The following SLC39A11 variants were observed in gnomAD, a reference collection of about 807,000 sequenced individuals.
The protein encoded by SLC39A11 is solute carrier family 39 member 11.
Under a neutral mutation model 36.1 loss-of-function variants are expected in SLC39A11, and 33 were observed. The ratio of observed to expected loss-of-function variants is 0.91; its 90% CI spans 0.69 to 1.22. The LOEUF (loss-of-function observed/expected upper bound fraction) is 1.22, where lower values mean the gene tolerates loss of function less well. Ranked by LOEUF, SLC39A11 falls within the 50% of genes most tolerant of loss-of-function variation. SLC39A11 has a pLI of 0.00. For missense variants in SLC39A11, 432 were observed against 430.3 expected (o/e 1.00, Z -0.03); for synonymous variants, 166 against 170.3 (o/e 0.97, Z 0.20).
At chr17:72,898,298 C>G (rs182776328) in intron 5 of SLC39A11, among the ~76,000 whole-genome samples, 1 of 152,158 alleles carries the variant, frequency 6.6e-6, no homozygotes, top group African/African-American at 2.4e-5. Flanking sequence ...CTGGAGCATC[C>G]GAGTTCATGA....
intron 5 of SLC39A11, among the ~76,000 whole-genome samples, chr17:72,911,306 A>G (rs2082980437): frequency 6.6e-6 from 1 of 152,010 alleles, no homozygotes; most frequent in Non-Finnish European, 1.5e-5. Context: ...TAGGAGATAT[A>G]CCTAATGTTA....
chr17:72,770,780 G>A (rs1364957141), intron 6 of SLC39A11, among the ~76,000 whole-genome samples: 2 of 152,204 alleles, frequency 1.3e-5, no homozygotes, highest in Non-Finnish European at 2.9e-5. Flanking sequence ...GCATTCGGAA[G>A]CACAGCAACA....
At chr17:73,080,105 C>A (rs558196910) in intron 3 of SLC39A11, among the ~76,000 whole-genome samples, 1 of 152,142 alleles carries the variant, frequency 6.6e-6, no homozygotes, top group South Asian at 2.1e-4. Flanking sequence ...CAAAACACCA[C>A]CATCATTCTT....
At chr17:72,798,744 T>C (rs933376772) in intron 6 of SLC39A11, among the ~76,000 whole-genome samples, 10 of 152,112 alleles carry the variant, frequency 6.6e-5, no homozygotes, top group South Asian at 2.1e-4. Flanking sequence ...CCTCACCTCA[T>C]CTAAACCTAA....
intron 5 of SLC39A11, among the ~76,000 whole-genome samples, chr17:72,902,221 A>G (rs2082426359): frequency 6.6e-6 from 1 of 151,986 alleles, no homozygotes; most frequent in Non-Finnish European, 1.5e-5. Context: ...TGGTGATCCG[A>G]GATCATGCCA....
At chr17:72,966,968 G>A (rs554666740) in intron 4 of SLC39A11, among the ~76,000 whole-genome samples, 1 of 152,282 alleles carries the variant, frequency 6.6e-6, no homozygotes, top group Non-Finnish European at 1.5e-5. Flanking sequence ...AAAGGAGCAT[G>A]AGCCCTATTG....
chr17:72,767,930 C>T (rs984288972), intron 6 of SLC39A11, among the ~76,000 whole-genome samples: 16 of 151,838 alleles, frequency 1.1e-4, no homozygotes, highest in African/African-American at 3.9e-4. Context: ...TCAAATCAAT[C>T]GCATCCAAAG....
intron 4 of SLC39A11, among the ~76,000 whole-genome samples, chr17:72,994,812 G>A (rs1044031571): frequency 5.9e-5 from 9 of 152,058 alleles, no homozygotes; most frequent in African/African-American, 1.4e-4. Context: ...TGCCCTATAC[G>A]GACTGGGTTC....
intron 7 of SLC39A11, among the ~76,000 whole-genome samples, chr17:72,722,294 A>G (rs2073716984): frequency 6.6e-6 from 1 of 152,150 alleles, no homozygotes; most frequent in African/African-American, 2.4e-5. Flanking sequence ...GGGAAGCAAA[A>G]GTCAAGGGAA....
intron 5 of SLC39A11, among the ~76,000 whole-genome samples, chr17:72,921,407 T>G (rs2083662511): frequency 6.6e-6 from 1 of 152,082 alleles, no homozygotes; most frequent in South Asian, 2.1e-4. Flanking sequence ...CTATTATATT[T>G]CCTAGAAAAT....
At chr17:72,945,765 A>G (rs2085395303) in intron 5 of SLC39A11, among the ~76,000 whole-genome samples, 1 of 152,192 alleles carries the variant, frequency 6.6e-6, no homozygotes, top group South Asian at 2.1e-4. Flanking sequence ...GGGTTGGCCA[A>G]GAAGACCCAG....
At chr17:73,004,256 G>A (rs1022839808) in intron 4 of SLC39A11, among the ~76,000 whole-genome samples, 3 of 149,130 alleles carry the variant, frequency 2.0e-5, no homozygotes, top group Non-Finnish European at 4.5e-5. Context: ...GAAAAAGCAA[G>A]CAAGCCACAG....
At chr17:73,010,353 TAGG>T (rs142499206) in intron 4 of SLC39A11, among the ~76,000 whole-genome samples, 4,095 of 152,282 alleles carry the variant, frequency 0.027, 83 homozygotes, top group African/African-American at 0.046. Flanking sequence ...TCTTTTGCAA[TAGG>T]AGAAGACTTG....
intron 7 of SLC39A11, among the ~76,000 whole-genome samples, chr17:72,652,913 T>C (rs2069918656): frequency 6.6e-6 from 1 of 152,060 alleles, no homozygotes; most frequent in East Asian, 1.9e-4. Context: ...TCCCGGGAGA[T>C]GTGGATTCTT....
intron 6 of SLC39A11, among the ~76,000 whole-genome samples, chr17:72,842,014 G>A (rs1349770053): frequency 1.3e-5 from 2 of 152,012 alleles, no homozygotes; most frequent in Non-Finnish European, 2.9e-5. Context: ...AGGCCGCAGT[G>A]AGCCATGATC....
intron 3 of SLC39A11, chr17:73,068,090 A>T: frequency 6.9e-7 from 1 of 1,442,426 alleles, no homozygotes; most frequent in Non-Finnish European, 9.8e-7. Flanking sequence ...TGTTTTCATA[A>T]TAGGAGTATC....
intron 9 of SLC39A11, 38 bp downstream of exon 9, chr17:72,648,765 C>T: frequency 6.2e-7 from 1 of 1,611,304 alleles, no homozygotes; most frequent in Non-Finnish European, 8.5e-7. Context: ...CCAGCTGGGA[C>T]TGGGACAGGG....
At chr17:73,041,830 C>G (rs528017725) in intron 3 of SLC39A11, among the ~76,000 whole-genome samples, 4 of 152,216 alleles carry the variant, frequency 2.6e-5, no homozygotes, top group Non-Finnish European at 4.4e-5. Context: ...CAGATATTTA[C>G]AAGCTCTTCT....
intron 6 of SLC39A11, among the ~76,000 whole-genome samples, chr17:72,796,694 C>T (rs984106330): frequency 6.6e-6 from 1 of 152,160 alleles, no homozygotes; most frequent in South Asian, 2.1e-4. Flanking sequence ...CACACAAATC[C>T]AGCAGCATCA....
Sources: gnomAD v4.1 joint callset for allele counts (sites outside exome capture counted in the v4.1 genomes callset) on GRCh38, gnomAD v4.1.1 for gene constraint, MANE v1.5 for transcripts, NCBI Gene and HGNC (gene_info 2026-07-23, HGNC 2026-07-21) for gene names.